Variants in DRC9 observed in about 807,000 individuals in gnomAD.
DRC9 encodes dynein regulatory complex protein 9.
the DRC9 span, among the ~76,000 whole-genome samples, chr3:197,939,555 C>T: frequency 6.6e-6 from 1 of 152,206 alleles, no homozygotes; most frequent in East Asian, 1.9e-4. Context: ...CTGAGGCACA[C>T]GATGCAGCGA....
At chr3:197,934,210 G>T in the DRC9 span, among the ~76,000 whole-genome samples, 2 of 71,784 alleles carry the variant, frequency 2.8e-5, no homozygotes, top group Non-Finnish European at 2.3e-5. Flanking sequence ...TGAGACAAGA[G>T]TGTCGTTCTT....
At chr3:197,952,847 T>C in the DRC9 span, among the ~76,000 whole-genome samples, 1 of 152,064 alleles carries the variant, frequency 6.6e-6, no homozygotes, top group Admixed American at 6.6e-5. Context: ...TTTTTTTTTT[T>C]TTTGAGACAA....
the DRC9 span, among the ~76,000 whole-genome samples, chr3:197,915,177 AAAAAG>A: frequency 6.7e-6 from 1 of 150,342 alleles, no homozygotes; most frequent in Non-Finnish European, 1.5e-5. Flanking sequence ...AAAAAAAAAA[AAAAAG>A]AAAAGAAAAA....
chr3:197,959,324 G>A, the DRC9 span: 2 of 152,188 alleles, frequency 1.3e-5, no homozygotes, highest in African/African-American at 2.4e-5. Context: ...GTAGTGGAAA[G>A]GGCACGTTTC....
At chr3:197,945,719 A>C in the DRC9 span, 1 of 770,770 alleles carries the variant, frequency 1.3e-6, no homozygotes, top group Non-Finnish European at 2.1e-6. Flanking sequence ...AGATTAGTTT[A>C]TGGGCGTCTT....
At chr3:197,915,385 G>A in the DRC9 span, among the ~76,000 whole-genome samples, 1 of 151,994 alleles carries the variant, frequency 6.6e-6, no homozygotes. Flanking sequence ...GTCGGTAAGG[G>A]CACCACACAG....
At chr3:197,950,861 G>A in the DRC9 span, 1 of 1,388,194 alleles carries the variant, frequency 7.2e-7, no homozygotes, top group South Asian at 1.2e-5. Flanking sequence ...TTTGCTTTAG[G>A]GGCTTAAACG....
At chr3:197,958,382 T>C in the DRC9 span, 2 of 152,168 alleles carry the variant, frequency 1.3e-5, no homozygotes, top group African/African-American at 2.4e-5. Flanking sequence ...AAGGGAAAAT[T>C]AGGTGGGCTT....
At chr3:197,955,879 G>A in the DRC9 span, 1 of 989,108 alleles carries the variant, frequency 1.0e-6, no homozygotes, top group Admixed American at 1.7e-5. Context: ...TAAAATGATA[G>A]AGGTTGCTCA....
the DRC9 span, chr3:197,912,897 C>T: frequency 1.4e-6 from 1 of 691,480 alleles, no homozygotes; most frequent in Non-Finnish European, 2.6e-6. Flanking sequence ...CTCCTGTTCA[C>T]CAACACTGCA....
chr3:197,912,063 C>T, the DRC9 span, among the ~76,000 whole-genome samples: 18 of 151,712 alleles, frequency 1.2e-4, no homozygotes, highest in Admixed American at 9.2e-4. Context: ...GTTTTTGAGA[C>T]GGGGTCTCGC....
the DRC9 span, among the ~76,000 whole-genome samples, chr3:197,935,744 A>G: frequency 6.6e-6 from 1 of 151,812 alleles, no homozygotes; most frequent in Non-Finnish European, 1.5e-5. Flanking sequence ...CAGCCTCCCA[A>G]AGTGCTGGGA....
chr3:197,908,489 G>A, the DRC9 span, among the ~76,000 whole-genome samples: 2 of 148,614 alleles, frequency 1.3e-5, no homozygotes, highest in Non-Finnish European at 3.0e-5. Context: ...AGTTATCACA[G>A]GGGTGACTGT....
At chr3:197,914,699 CAT>C in the DRC9 span, among the ~76,000 whole-genome samples, 1 of 152,068 alleles carries the variant, frequency 6.6e-6, no homozygotes, top group African/African-American at 2.4e-5. Context: ...GAGACAAACA[CAT>C]GTGTAAACTT....
At chr3:197,894,300 G>A in the DRC9 span, among the ~76,000 whole-genome samples, 72 of 152,152 alleles carry the variant, frequency 4.7e-4, no homozygotes, top group Admixed American at 2.6e-3. Context: ...CCCACAATGC[G>A]CATATATATA....
chr3:197,951,289 G>A, the DRC9 span: 1 of 1,614,060 alleles, frequency 6.2e-7, no homozygotes, highest in African/African-American at 1.3e-5. Flanking sequence ...CAAGAGATGC[G>A]CTTATGTATA....
At chr3:197,890,811 A>T in the DRC9 span, among the ~76,000 whole-genome samples, 1 of 152,234 alleles carries the variant, frequency 6.6e-6, no homozygotes, top group African/African-American at 2.4e-5. Context: ...AGAATGTGGT[A>T]TAAAACTTAA....
At chr3:197,905,814 G>T in the DRC9 span, among the ~76,000 whole-genome samples, 1 of 151,992 alleles carries the variant, frequency 6.6e-6, no homozygotes, top group Admixed American at 6.6e-5. Context: ...CTCAACATCA[G>T]CAAGTCTATT....
chr3:197,924,484 G>C, the DRC9 span, among the ~76,000 whole-genome samples: 1 of 152,216 alleles, frequency 6.6e-6, no homozygotes, highest in East Asian at 1.9e-4. Flanking sequence ...CAAACAGCTG[G>C]TCAGTGAAAA....
Sources: allele counts gnomAD v4.1 joint callset (sites outside exome capture counted in the v4.1 genomes callset), GRCh38; gene constraint gnomAD v4.1.1; transcripts MANE v1.5; gene names NCBI Gene and HGNC (gene_info 2026-07-23, HGNC 2026-07-21).